Variants in USH2A observed in about 807,000 individuals in gnomAD.
USH2A encodes Usher syndrome 2A (autosomal recessive, mild).
A neutral mutation model predicts 538.9 loss-of-function variants in USH2A; 443 were observed. The observed-to-expected ratio is 0.82, with a 90% CI of 0.76 to 0.89. The LOEUF (loss-of-function observed/expected upper bound fraction) is 0.89, where lower values mean the gene tolerates loss of function less well. USH2A is among the 40% of genes least tolerant of loss of function. USH2A has a pLI of 0.00. For synonymous variants in USH2A, 2,413 were observed against 2,273.5 expected, an observed-to-expected ratio of 1.06 and a Z score of -1.75; for missense variants, 6,633 against 6,324.8, an observed-to-expected ratio of 1.05 and a Z score of -1.65.
chr1:216,400,188 G>T (rs946742197), intron 3 of USH2A, among the ~76,000 whole-genome samples: 2 of 148,204 alleles, frequency 1.3e-5, no homozygotes, highest in Non-Finnish European at 3.0e-5. Flanking sequence ...GAAAAAAAAT[G>T]AGAGAAACCC....
At chr1:216,281,855 G>A (rs918774333) in intron 11 of USH2A, among the ~76,000 whole-genome samples, 10 of 95,536 alleles carry the variant, frequency 1.0e-4, no homozygotes, top group Non-Finnish European at 2.2e-4. Context: ...ACCAAATTTT[G>A]TTTTTGTCTG....
intron 32 of USH2A, among the ~76,000 whole-genome samples, chr1:216,018,471 C>T (rs897907701): frequency 6.6e-6 from 1 of 152,148 alleles, no homozygotes; most frequent in African/African-American, 2.4e-5. Context: ...GCCTGGGGAC[C>T]CTTGCAAGCA....
intron 21 of USH2A, among the ~76,000 whole-genome samples, chr1:216,107,544 CTTGCT>C (rs2032764630): frequency 1.4e-5 from 1 of 69,180 alleles, no homozygotes; most frequent in African/African-American, 3.8e-5. Context: ...CTTTGTAAGT[CTTGCT>C]TATTTAGCCA....
At chr1:215,971,433 A>G (rs1228453144) in intron 35 of USH2A, among the ~76,000 whole-genome samples, 2 of 152,114 alleles carry the variant, frequency 1.3e-5, no homozygotes, top group African/African-American at 4.8e-5. Flanking sequence ...AGACCCCCTT[A>G]GTAATGAAGA....
At chr1:215,780,620 T>C (rs549870143) in intron 54 of USH2A, among the ~76,000 whole-genome samples, 1 of 152,380 alleles carries the variant, frequency 6.6e-6, no homozygotes, top group Admixed American at 6.5e-5. Context: ...GTCAATATTG[T>C]CAAAACATAG....
At chr1:216,340,013 C>T (rs912743502) in intron 4 of USH2A, among the ~76,000 whole-genome samples, 1 of 151,152 alleles carries the variant, frequency 6.6e-6, no homozygotes, top group Non-Finnish European at 1.5e-5. Flanking sequence ...GAGAGAGACA[C>T]GAAAAACCCT....
chr1:216,201,480 A>C (rs2034998921), intron 16 of USH2A, among the ~76,000 whole-genome samples: 1 of 151,622 alleles, frequency 6.6e-6, no homozygotes, highest in Admixed American at 6.6e-5. Context: ...CGCCCGGCTA[A>C]TTTTTGTATT....
At chr1:216,253,764 A>G (rs1038507553) in intron 11 of USH2A, among the ~76,000 whole-genome samples, 1 of 152,244 alleles carries the variant, frequency 6.6e-6, no homozygotes, top group Non-Finnish European at 1.5e-5. Context: ...AACAAATTGT[A>G]GTCGTTAAAC....
chr1:215,796,257 G>A (rs866025077), intron 50 of USH2A, among the ~76,000 whole-genome samples: 22 of 150,908 alleles, frequency 1.5e-4, no homozygotes, highest in Admixed American at 1.1e-3. Context: ...GCACTTTGCA[G>A]AGACTGCATT....
chr1:215,878,842 A>G lies in USH2A; in HGVS notation c.8480T>C (p.Leu2827Ser). ...HPTVPQNVGPLSVIPLSESYV... is the reference protein window; with the variant it reads ...HPTVPQNVGPSSVIPLSESYV... ...TGATTCACTTAGTGGAATCACAGAC[A>G]ATGGGCCAACATTCTGAGGTACGGT... Residue 2827 changes from leucine to serine, a missense_variant, in exon 42 of 72, where the codon TTG becomes TCG. Coordinates refer to ENST00000307340, the MANE Select transcript of USH2A (RefSeq NM_206933.4). 4.3e-6 allele frequency: 7 copies of G among 1,613,992 alleles called. No homozygotes were observed. The highest frequency in any genetic ancestry group is 5.9e-6 in the Non-Finnish European group (7 of 1,179,958).
At chr1:216,324,406 A>T (rs1159295043) in intron 6 of USH2A, 54 bp from the exon 7 acceptor site, 34 of 1,463,522 alleles carry the variant, frequency 2.3e-5, no homozygotes, top group Non-Finnish European at 2.8e-5. Context: ...AACCATCAGT[A>T]TATATCAAAC....
At position 216,415,508 on chromosome 1, in the gene USH2A, C is replaced by CTTTTTTT. The variant is rs71161423; in HGVS notation, c.651+2999_651+3005dup. 5.3e-4 allele frequency among the ~76,000 whole-genome samples: 51 copies of CTTTTTTT among 96,870 alleles called. 4 individuals are homozygous for CTTTTTTT. The highest frequency in any genetic ancestry group is 1.9e-3 in the African/African-American group (50 of 25,826). The allele number at this position is 96,870 out of a possible 152,430, so 63.6% of individuals were successfully genotyped here. A position where few individuals can be genotyped will look rare whatever the true frequency, so the allele number is the denominator to read the frequency against. On this transcript the variant is annotated intron_variant, in intron 3 of 71. Coordinates refer to ENST00000307340, the MANE Select transcript of USH2A (RefSeq NM_206933.4). ...TCCTAATCTCCTGTCCTTCCTGTCA[C>CTTTTTTT]TTTTTTTTTTTTTTTTTTTTTTTTT...
intron 47 of USH2A, among the ~76,000 whole-genome samples, chr1:215,822,902 CAAAG>C (rs1304420295): frequency 6.6e-6 from 1 of 151,930 alleles, no homozygotes; most frequent in Non-Finnish European, 1.5e-5. Flanking sequence ...TTGCCAAAAA[CAAAG>C]AAACAATGAA....
intron 11 of USH2A, among the ~76,000 whole-genome samples, chr1:216,285,673 G>A (rs1350147048): frequency 1.3e-5 from 2 of 152,212 alleles, no homozygotes; most frequent in Non-Finnish European, 2.9e-5. Context: ...AAAAGCCACA[G>A]ACACTCAATG....
chr1:215,954,914 C>A (rs1369746897), intron 37 of USH2A, among the ~76,000 whole-genome samples: 1 of 152,096 alleles, frequency 6.6e-6, no homozygotes, highest in African/African-American at 2.4e-5. Flanking sequence ...AAATCCACCA[C>A]AATTTTACCT....
intron 30 of USH2A, among the ~76,000 whole-genome samples, chr1:216,066,078 G>A (rs2031351951): frequency 1.3e-5 from 2 of 152,048 alleles, no homozygotes; most frequent in African/African-American, 2.4e-5. Flanking sequence ...TTTTTTTCAA[G>A]TGTAAACCTT....
At chr1:216,001,332 G>C (rs890505239) in intron 32 of USH2A, among the ~76,000 whole-genome samples, 1 of 152,056 alleles carries the variant, frequency 6.6e-6, no homozygotes, top group Non-Finnish European at 1.5e-5. Flanking sequence ...TGAATGAAAC[G>C]AGCTAGGTCT....
chr1:216,146,462 C>T (rs1191500221), intron 21 of USH2A, among the ~76,000 whole-genome samples: 2 of 152,184 alleles, frequency 1.3e-5, no homozygotes, highest in Non-Finnish European at 2.9e-5. Flanking sequence ...TCAAGGGTGT[C>T]AGACCACGCA....
intron 1 of USH2A, among the ~76,000 whole-genome samples, chr1:216,422,924 A>T (rs1308473274): frequency 6.6e-6 from 1 of 152,098 alleles, no homozygotes; most frequent in Non-Finnish European, 1.5e-5. Flanking sequence ...AGGGAAAAGA[A>T]TCTTGTAGAT....
Sources: allele counts gnomAD v4.1 joint callset (sites outside exome capture counted in the v4.1 genomes callset), GRCh38; gene constraint gnomAD v4.1.1; transcripts MANE v1.5; gene names NCBI Gene and HGNC (gene_info 2026-07-23, HGNC 2026-07-21).